The following CHST8 variants were observed in gnomAD, a reference collection of about 807,000 sequenced individuals.
CHST8 encodes the protein GALNAC-4-ST1.
Under a neutral mutation model 15.0 loss-of-function variants are expected in CHST8, and 10 were observed. That is an observed-to-expected ratio of 0.67 (90% confidence interval 0.41 to 1.13). CHST8 has a LOEUF of 1.13. Ranked by LOEUF, CHST8 falls within the 50% of genes most tolerant of loss-of-function variation. The pLI, the probability that CHST8 is intolerant of heterozygous loss-of-function variation, is 0.00. For synonymous variants in CHST8, 259 were observed against 256.6 expected (o/e 1.01, Z -0.09); for missense variants, 634 against 608.2 (o/e 1.04, Z -0.45).
At chr19:33,622,757 G>T (rs1600220018) in intron 1 of CHST8, among the ~76,000 whole-genome samples, 1 of 152,164 alleles carries the variant, frequency 6.6e-6, no homozygotes, top group African/African-American at 2.4e-5. Flanking sequence ...CAGAGACTAT[G>T]GGGGAAGTTT....
intron 3 of CHST8, among the ~76,000 whole-genome samples, chr19:33,754,982 A>C (rs1974517663): frequency 6.6e-6 from 1 of 152,208 alleles, no homozygotes; most frequent in Non-Finnish European, 1.5e-5. Flanking sequence ...TCTTCCGAGC[A>C]GCTCAGCCCT....
intron 3 of CHST8, among the ~76,000 whole-genome samples, chr19:33,768,495 A>C (rs1974899341): frequency 6.6e-6 from 1 of 152,020 alleles, no homozygotes; most frequent in Non-Finnish European, 1.5e-5. Context: ...TCTGTTGCTC[A>C]GGCTGTAGTG....
At chr19:33,624,065 C>G (rs1972020185) in intron 1 of CHST8, among the ~76,000 whole-genome samples, 2 of 152,244 alleles carry the variant, frequency 1.3e-5, no homozygotes, top group African/African-American at 4.8e-5. Flanking sequence ...GACACACAAA[C>G]AGTGCAGCTC....
intron 3 of CHST8, among the ~76,000 whole-genome samples, chr19:33,694,877 A>T (rs920247084): frequency 6.6e-6 from 1 of 151,860 alleles, no homozygotes; most frequent in African/African-American, 2.4e-5. Context: ...CACCACGCCT[A>T]GCTTTACATG....
At chr19:33,740,225 G>A (rs930105884) in intron 3 of CHST8, among the ~76,000 whole-genome samples, 2 of 152,126 alleles carry the variant, frequency 1.3e-5, no homozygotes, top group Non-Finnish European at 2.9e-5. Flanking sequence ...TACATCACTC[G>A]TGGGTTGTGG....
chr19:33,719,230 AC>A (rs1973730900), intron 3 of CHST8, among the ~76,000 whole-genome samples: 1 of 108,082 alleles, frequency 9.3e-6, no homozygotes, highest in South Asian at 3.3e-4. Flanking sequence ...TAAGGCAAAT[AC>A]CTTCTGTCAG....
chr19:33,646,053 A>G (rs912603363), intron 1 of CHST8, among the ~76,000 whole-genome samples: 11 of 152,146 alleles, frequency 7.2e-5, no homozygotes, highest in Non-Finnish European at 1.2e-4. Context: ...GCTGGAGCCC[A>G]GGAGTTTGAG....
rs1308081582 is a variant in CHST8 at position 33,731,973 on chromosome 19, G to A, written c.131-39440G>A. Among the ~76,000 whole-genome samples, 3 of 152,190 alleles carry A rather than the reference G, an allele frequency of 2.0e-5. No homozygotes were observed. The East Asian group carries it at 5.8e-4, about 29-fold the overall frequency. ...AGTCCACACGGACAGAGATTGAGGT[G>A]CAAGGGGAGGGAGTCCCTTAATCCA... On this transcript the variant is annotated intron_variant, in intron 3 of 4. Transcript: ENST00000650847.
chr19:33,772,253 G>A lies in CHST8; in HGVS notation c.465G>A (p.Glu155=), dbSNP rs757581045. Residue 155 remains glutamate (E), a synonymous_variant, in exon 5 of 5, where the codon GAG becomes GAA. Transcript: ENST00000650847. ...TCAGCCTGCACCGGAGCCAGCAGGAGCGCAAGCGGGTGATGCAGGAGGCCT... is the reference window on the plus strand; with the variant it reads ...TCAGCCTGCACCGGAGCCAGCAGGAACGCAAGCGGGTGATGCAGGAGGCCT... ...RWVSLHRSQQ[E]RKRVMQEACA... The A allele has an allele frequency of 1.3e-6, 2 of 1,599,722 alleles. No homozygotes were observed. The highest frequency in any genetic ancestry group is 1.7e-6 in the Non-Finnish European group (2 of 1,178,110).
chr19:33,714,247 AC>A (rs1231492366), intron 3 of CHST8, among the ~76,000 whole-genome samples: 3 of 152,184 alleles, frequency 2.0e-5, no homozygotes, highest in African/African-American at 7.2e-5. Context: ...CTTGGAATCA[AC>A]CTAAATGTCC....
intron 3 of CHST8, 150 bp downstream of exon 3, chr19:33,689,541 G>A: frequency 1.1e-6 from 1 of 915,966 alleles, no homozygotes; most frequent in East Asian, 3.0e-5. Flanking sequence ...GCTTCCCGGG[G>A]AAGGCGTTAG....
chr19:33,731,598 A>G (rs1568346617), intron 3 of CHST8, among the ~76,000 whole-genome samples: 1 of 152,112 alleles, frequency 6.6e-6, no homozygotes, highest in African/African-American at 2.4e-5. Context: ...CCAACCTCCT[A>G]TGTCATTCTG....
intron 1 of CHST8, among the ~76,000 whole-genome samples, chr19:33,666,761 G>A (rs1972667332): frequency 6.6e-6 from 1 of 152,154 alleles, no homozygotes; most frequent in Admixed American, 6.5e-5. Flanking sequence ...GGAGTGCAGT[G>A]GTGTGATCTT....
intron 3 of CHST8, among the ~76,000 whole-genome samples, chr19:33,712,024 T>A (rs1438138041): frequency 6.6e-6 from 1 of 152,220 alleles, no homozygotes; most frequent in East Asian, 1.9e-4. Context: ...GTAATTGGAA[T>A]GAAAAGGTCT....
At chr19:33,748,134 C>T (rs561854407) in intron 3 of CHST8, among the ~76,000 whole-genome samples, 43 of 152,326 alleles carry the variant, frequency 2.8e-4, no homozygotes, top group African/African-American at 9.4e-4. Flanking sequence ...CCAGGCTGTT[C>T]GCACTGTCTG....
At chr19:33,628,097 G>A (rs773035400) in intron 1 of CHST8, among the ~76,000 whole-genome samples, 2 of 152,148 alleles carry the variant, frequency 1.3e-5, no homozygotes, top group African/African-American at 2.4e-5. Flanking sequence ...CTTCAGCTGC[G>A]GTCTGAAGGA....
chr19:33,695,694 A>T (rs1973196117), intron 3 of CHST8, among the ~76,000 whole-genome samples: 1 of 152,018 alleles, frequency 6.6e-6, no homozygotes, highest in African/African-American at 2.4e-5. Flanking sequence ...GAGTTACTTC[A>T]CTTAGAATAA....
At chr19:33,707,549 G>A (rs1194541621) in intron 3 of CHST8, among the ~76,000 whole-genome samples, 1 of 152,144 alleles carries the variant, frequency 6.6e-6, no homozygotes, top group African/African-American at 2.4e-5. Context: ...CACTCTGCAT[G>A]ATGGTTTTGA....
At chr19:33,695,821 C>CTTTTTTTTTTTTTTTTT (rs55695414) in intron 3 of CHST8, among the ~76,000 whole-genome samples, 3 of 76,230 alleles carry the variant, frequency 3.9e-5, no homozygotes, top group Non-Finnish European at 7.5e-5. Flanking sequence ...TTCTTTCTTT[C>CTTTTTTTTTTTTTTTTT]TTTTTTTTTT....
Sources: gnomAD v4.1 joint callset for allele counts (sites outside exome capture counted in the v4.1 genomes callset) on GRCh38, gnomAD v4.1.1 for gene constraint, MANE v1.5 for transcripts, NCBI Gene and HGNC (gene_info 2026-07-23, HGNC 2026-07-21) for gene names.